The following DHX37 variants were observed in gnomAD, a reference collection of about 807,000 sequenced individuals.
DHX37 encodes the protein probable ATP-dependent RNA helicase DHX37.
Under a neutral mutation model 134.3 loss-of-function variants are expected in DHX37, and 52 were observed. The observed-to-expected ratio is 0.39, with a 90% confidence interval of 0.31 to 0.49. The LOEUF (loss-of-function observed/expected upper bound fraction) is 0.49. Ranked by LOEUF, DHX37 falls within the 20% of genes least tolerant of loss-of-function variation. The probability of loss-of-function intolerance (pLI) is 0.93; values close to 1 mark genes in which losing one functional copy is unlikely to be tolerated. For missense variants in DHX37, 1,344 were observed against 1,580.8 expected (o/e 0.85, Z 2.54); for synonymous variants, 634 against 670.7 (o/e 0.95, Z 0.85).
At chr12:124,962,023 A>G (rs1954276214) in intron 15 of DHX37, among the ~76,000 whole-genome samples, 1 of 152,142 alleles carries the variant, frequency 6.6e-6, no homozygotes, top group Non-Finnish European at 1.5e-5. Flanking sequence ...GTGACAGGAA[A>G]TAGTCACACA....
chr12:124,980,544 C>G lies in DHX37; in HGVS notation c.684G>C (p.Arg228Ser), dbSNP rs751834414. The change falls in exon 4 of 27, where the codon AGG (arginine) becomes AGC (serine). Residue 228 changes from arginine (R) to serine (S), a missense_variant. By Grantham distance (110) the Arg-to-Ser change is moderately radical (BLOSUM62 -1). This residue lies in a region of DHX37 where 77 missense variants were observed against 121.6 expected (regional missense o/e 0.63). Coordinates refer to ENST00000308736, the MANE Select transcript of DHX37 (RefSeq NM_032656.4). The surrounding 1 kb of genome is among the most constrained non-coding windows in gnomAD (Gnocchi z 5.3). ...PPPAAAPPLP[R>S]ALAKPAVFIP... ...TGAAGACGGCGGGCTTAGCCAGGGC[C>G]CTGGGCAGTGGTGGGGCTGCAGCTG... 1 of 1,612,414 alleles carries G rather than the reference C, an allele frequency of 6.2e-7. No homozygotes were observed. The highest frequency in any genetic ancestry group is 8.5e-7 in the Non-Finnish European group (1 of 1,179,824).
chr12:124,980,544 C>T lies in DHX37; in HGVS notation c.684G>A (p.Arg228=), dbSNP rs751834414. 1.2e-6 allele frequency: 2 copies of T among 1,612,532 alleles called. No individual in the cohort carries two copies. Among genetic ancestry groups the T allele is most frequent in the Non-Finnish European group, 1.7e-6 (2 of 1,179,816 alleles). ...TGAAGACGGCGGGCTTAGCCAGGGCCCTGGGCAGTGGTGGGGCTGCAGCTG... is the reference window on the plus strand; with the variant it reads ...TGAAGACGGCGGGCTTAGCCAGGGCTCTGGGCAGTGGTGGGGCTGCAGCTG... ...PPPAAAPPLP[R]ALAKPAVFIP... The change falls in exon 4 of 27, where the codon AGG becomes AGA. Residue 228 remains arginine (R), a synonymous_variant. Coordinates refer to ENST00000308736, the MANE Select transcript of DHX37 (RefSeq NM_032656.4). This position sits in a 1 kb window ranked among gnomAD's most constrained non-coding sequence, Gnocchi z 5.3.
intron 8 of DHX37, among the ~76,000 whole-genome samples, chr12:124,970,261 A>C (rs977317771): frequency 2.0e-5 from 3 of 152,196 alleles, no homozygotes; most frequent in Admixed American, 2.0e-4. Context: ...GGCGTGAGCC[A>C]CCGTGCCCGG....
At chr12:124,988,861 G>T in intron 1 of DHX37, 56 bp downstream of exon 1, 1 of 1,177,910 alleles carries the variant, frequency 8.5e-7, no homozygotes, top group Non-Finnish European at 1.1e-6. Flanking sequence ...TGAAGGCAGG[G>T]CACAGGCCGC....
rs200978212 is a variant in DHX37, at chr12:124,948,201, G to A, written c.3291-20C>T. The A allele has an allele frequency of 1.3e-5, 21 of 1,609,658 alleles. No individual in the cohort carries two copies. Among genetic ancestry groups the A allele is most frequent in the East Asian group, 2.2e-5 (1 of 44,772 alleles). ...TGCAGCCTGTGGGGCAGGAATGCAC[G>A]TTGGTGGCAGGCAGCCAGGGCACAG... On this transcript the variant is annotated intron_variant, in intron 25 of 26. Transcript: ENST00000308736.
chr12:124,972,678 G>A (rs1954545685), intron 6 of DHX37, 79 bp from the exon 7 acceptor site: 26 of 1,452,602 alleles, frequency 1.8e-5, no homozygotes, highest in Non-Finnish European at 2.3e-5. Context: ...AAGGCAGGCC[G>A]TGGAGCAGGC....
intron 16 of DHX37, among the ~76,000 whole-genome samples, chr12:124,957,987 C>T (rs1170039124): frequency 3.3e-5 from 5 of 152,198 alleles, no homozygotes; most frequent in South Asian, 2.1e-4. Context: ...CAGGGAAAGA[C>T]GCCGGGCACA....
chr12:124,966,356 C>T (rs769488717), intron 12 of DHX37, among the ~76,000 whole-genome samples: 1 of 152,152 alleles, frequency 6.6e-6, no homozygotes, highest in Non-Finnish European at 1.5e-5. Flanking sequence ...GCGTAGCCAC[C>T]ACGCCTGGCC....
chr12:124,947,318 T>G lies in DHX37; in HGVS notation c.*484A>C, dbSNP rs1953895918. 6.5e-6 allele frequency: 1 copy of G among 152,892 alleles called. No homozygotes were observed. Among genetic ancestry groups the G allele is most frequent in the African/African-American group, 2.4e-5 (1 of 41,470 alleles). 9.5% of individuals were successfully genotyped at this position (152,892 alleles called of 1,614,324 possible). ...GCCTGGGGGCCCCCAGCCAGGCCCC[T>G]CAAGGTCAACACAGAGCTCAGTGGC... On this transcript the variant is annotated 3_prime_UTR_variant, in exon 27 of 27. Coordinates refer to ENST00000308736, the MANE Select transcript of DHX37 (RefSeq NM_032656.4).
rs1026902428 is a variant in DHX37, at chr12:124,947,517, T to C, written c.*285A>G. On this transcript the variant is annotated 3_prime_UTR_variant, in exon 27 of 27. Transcript: ENST00000308736. ...CCTGCTGCTCCACAGGGGACTAATG[T>C]AGTCCAAAGAGCACACTGAACAGAA... is the stretch of plus-strand genomic sequence containing the variant. The C allele has an allele frequency of 2.8e-6, 1 of 352,578 alleles. No homozygotes were observed. Among genetic ancestry groups the C allele is most frequent in the Admixed American group, 4.3e-5 (1 of 23,100 alleles). The allele number at this position is 352,578 out of a possible 1,614,324, so 21.8% of individuals were successfully genotyped here.
intron 15 of DHX37, among the ~76,000 whole-genome samples, chr12:124,962,621 A>G (rs936768198): frequency 6.6e-6 from 1 of 152,214 alleles, no homozygotes; most frequent in African/African-American, 2.4e-5. Flanking sequence ...GAACCATTGC[A>G]TTCTAGCCCA....
intron 6 of DHX37, among the ~76,000 whole-genome samples, chr12:124,974,754 G>A (rs999780052): frequency 6.6e-6 from 1 of 151,968 alleles, no homozygotes; most frequent in African/African-American, 2.4e-5. Flanking sequence ...TCCAAAGCAA[G>A]TCCTACAGAC....
At chr12:124,979,439 A>G (rs1197726487) in intron 4 of DHX37, among the ~76,000 whole-genome samples, 1 of 152,228 alleles carries the variant, frequency 6.6e-6, no homozygotes, top group Non-Finnish European at 1.5e-5. Context: ...ATCCAGCAAC[A>G]GAATACTCAT....
chr12:124,972,745 C>T, intron 6 of DHX37, 146 bp from the exon 7 acceptor site: 2 of 703,014 alleles, frequency 2.8e-6, no homozygotes, highest in Non-Finnish European at 2.5e-6. Context: ...GACATCTCCC[C>T]AGTCCACTCT....
chr12:124,983,418 T>TACAC lies in DHX37; in HGVS notation c.277-799_277-796dup, dbSNP rs141343765. Among the ~76,000 whole-genome samples, 1,166 of 148,202 alleles carry TACAC rather than the reference T, an allele frequency of 7.9e-3. 10 individuals carry two copies. Among genetic ancestry groups the TACAC allele is most frequent in the African/African-American group, 0.021 (835 of 40,354 alleles). Reference sequence around the variant, plus strand: ...AGCCTACACACTTCTATGTGTGTATTACACACACACACACACACACACACA... The same window carrying TACAC: ...AGCCTACACACTTCTATGTGTGTATTACACACACACACACACACACACACACACA... On this transcript the variant is annotated intron_variant, in intron 2 of 26. Transcript: ENST00000308736.
rs1954373228 is a variant in DHX37 at position 124,965,801 on chromosome 12, C to A, written c.1602G>T (p.Gln534His). ...ACACCGAGTAATGATCCAAGTTGAT[C>A]TGGGGCAGCACCTACGGCGAACAAG... is the stretch of plus-strand genomic sequence containing the variant. Reference protein sequence around the residue: ...AKKARAEVLPQINLDHYSVLP... With the variant: ...AKKARAEVLPHINLDHYSVLP... The change falls in exon 13 of 27, where the codon CAG becomes CAT. Residue 534 changes from glutamine to histidine, a missense_variant. Transcript: ENST00000308736. 2 of 1,613,728 alleles carry A rather than the reference C, an allele frequency of 1.2e-6. No homozygotes were observed. Among genetic ancestry groups the A allele is most frequent in the Non-Finnish European group, 1.7e-6 (2 of 1,179,780 alleles).
chr12:124,965,273 G>A (rs1056757243), intron 13 of DHX37, among the ~76,000 whole-genome samples: 1 of 152,304 alleles, frequency 6.6e-6, no homozygotes, highest in African/African-American at 2.4e-5. Flanking sequence ...CATGGATCCC[G>A]GGAGCCTGAC....
intron 15 of DHX37, among the ~76,000 whole-genome samples, chr12:124,962,873 G>A (rs540690494): frequency 1.3e-5 from 2 of 152,232 alleles, no homozygotes; most frequent in East Asian, 3.9e-4. Flanking sequence ...GTGAGGACGT[G>A]AAGAAACTGA....
intron 16 of DHX37, 44 bp downstream of exon 16, chr12:124,960,268 G>T (rs745364210): frequency 3.1e-6 from 5 of 1,588,244 alleles, no homozygotes; most frequent in African/African-American, 1.3e-5. Flanking sequence ...AAGGGAGGTG[G>T]TCCACTGGGG....
Sources: allele counts gnomAD v4.1 joint callset (sites outside exome capture counted in the v4.1 genomes callset), GRCh38; gene constraint gnomAD v4.1.1; regional missense constraint gnomAD v4.1.1; non-coding constraint Gnocchi (gnomAD v3.1); transcripts MANE v1.5; gene names NCBI Gene and HGNC (gene_info 2026-07-23, HGNC 2026-07-21).